OTUD3: variants seen among roughly 807,000 people sequenced by gnomAD.
OTUD3 encodes the protein OTU deubiquitinase 3.
In OTUD3, 24 loss-of-function variants were observed where a neutral mutation model predicts 46.2. The ratio of observed to expected loss-of-function variants is 0.52; its 90% CI spans 0.38 to 0.73. The LOEUF (loss-of-function observed/expected upper bound fraction) is 0.73, where lower values mean the gene tolerates loss of function less well. OTUD3 is among the 30% of genes least tolerant of loss of function. The probability of loss-of-function intolerance (pLI) is 0.00; values close to 1 mark genes in which losing one functional copy is unlikely to be tolerated. For synonymous variants in OTUD3, 189 were observed against 195.4 expected, an observed-to-expected ratio of 0.97 and a Z score of 0.27; for missense variants, 455 against 523.3, an observed-to-expected ratio of 0.87 and a Z score of 1.27.
Position 19,894,424 on chromosome 1 carries a change from G to GC in OTUD3, c.428dup (p.Arg144LysfsTer13). The stretch of plus-strand genomic sequence containing the variant: ...TGGCAATGATGCAATTGTAGCCTTT[G>GC]CAAGAAATCATCAGTTGAATGTAGT... On this transcript the variant is annotated frameshift_variant, in exon 3 of 8. Transcript: ENST00000375120. LOFTEE classifies it high-confidence loss of function. 1 of 1,611,494 alleles carries GC rather than the reference G, an allele frequency of 6.2e-7. No individual in the cohort carries two copies. The highest frequency in any genetic ancestry group is 8.5e-7 in the Non-Finnish European group (1 of 1,178,762).
chr1:19,897,368 G>A (rs368737541), intron 3 of OTUD3, among the ~76,000 whole-genome samples, 172 bp from the exon 4 acceptor site: 10 of 152,162 alleles, frequency 6.6e-5, no homozygotes, highest in South Asian at 4.1e-4. Context: ...AAGCATACAC[G>A]CATAGGAAGG....
chr1:19,893,093 T>G (rs552327903), intron 2 of OTUD3, among the ~76,000 whole-genome samples: 1 of 152,342 alleles, frequency 6.6e-6, no homozygotes, highest in East Asian at 1.9e-4. Context: ...GGGTATTAGC[T>G]TAGTTGTCTC....
chr1:19,890,641 A>G (rs2045433737), intron 2 of OTUD3, 108 bp downstream of exon 2: 2 of 972,144 alleles, frequency 2.1e-6, no homozygotes, highest in East Asian at 2.4e-5. Flanking sequence ...ATAAATCACG[A>G]CATTCATTTA....
At chr1:19,883,992 T>A (rs1297277375) in intron 1 of OTUD3, among the ~76,000 whole-genome samples, 1 of 152,210 alleles carries the variant, frequency 6.6e-6, no homozygotes, top group Non-Finnish European at 1.5e-5. Context: ...AAGATGCAGT[T>A]GGAACTTGAT....
At position 19,908,151 on chromosome 1, in the gene OTUD3, T is replaced by A. The variant is rs1309256633; in HGVS notation, c.*405T>A. On this transcript the variant is annotated 3_prime_UTR_variant, in exon 8 of 8. Coordinates refer to ENST00000375120, the MANE Select transcript of OTUD3 (RefSeq NM_015207.2). ...GTAGTTTAGAATAATTGTTAGAAAT[T>A]CAGAATGACAAGTTTCCTTAGTTTC... The A allele has an allele frequency of 6.4e-6, 1 of 155,268 alleles. No homozygotes were observed. The highest frequency in any genetic ancestry group is 1.4e-5 in the Non-Finnish European group (1 of 70,092). 9.6% of individuals were successfully genotyped at this position (155,268 alleles called of 1,614,324 possible). A position where few individuals can be genotyped will look rare whatever the true frequency, so the allele number is the denominator to read the frequency against.
intron 6 of OTUD3, among the ~76,000 whole-genome samples, 160 bp downstream of exon 6, chr1:19,905,147 C>T (rs943549173): frequency 6.6e-6 from 1 of 152,112 alleles, no homozygotes; most frequent in African/African-American, 2.4e-5. Flanking sequence ...TTACTAGGTC[C>T]TGTCTCTGCT....
intron 1 of OTUD3, among the ~76,000 whole-genome samples, chr1:19,888,418 T>G (rs2045401092): frequency 6.6e-6 from 1 of 152,242 alleles, no homozygotes; most frequent in Non-Finnish European, 1.5e-5. Flanking sequence ...TGTTTGTTCA[T>G]TACCTTGTAA....
chr1:19,893,216 T>C (rs1287465918), intron 2 of OTUD3, among the ~76,000 whole-genome samples: 1 of 152,206 alleles, frequency 6.6e-6, no homozygotes, highest in Non-Finnish European at 1.5e-5. Context: ...AGTCCTTGCA[T>C]GACTTCCCTC....
chr1:19,894,342 C>T (rs1188248192), intron 2 of OTUD3, 26 bp from the exon 3 acceptor site: 17 of 1,391,970 alleles, frequency 1.2e-5, no homozygotes, highest in Non-Finnish European at 1.7e-5. Flanking sequence ...ATAAAGACGT[C>T]ATTTTTCTTT....
chr1:19,890,356 G>A, intron 1 of OTUD3, 29 bp from the exon 2 acceptor site: 1 of 1,607,622 alleles, frequency 6.2e-7, no homozygotes, highest in Non-Finnish European at 8.5e-7. Context: ...ATTTTTGAAA[G>A]GTCTTGACTC....
chr1:19,888,224 A>G (rs1019174620), intron 1 of OTUD3, among the ~76,000 whole-genome samples: 3 of 152,364 alleles, frequency 2.0e-5, no homozygotes, highest in Middle Eastern at 6.8e-3. Flanking sequence ...TCCCACAACA[A>G]AAAAATGATC....
chr1:19,890,608 C>G (rs577450753), intron 2 of OTUD3, 75 bp downstream of exon 2: 18 of 1,299,012 alleles, frequency 1.4e-5, no homozygotes, highest in South Asian at 3.7e-5. Flanking sequence ...ATCCTCCCCC[C>G]TCCCAGCCAA....
At chr1:19,898,440 C>T (rs2045544941) in intron 4 of OTUD3, among the ~76,000 whole-genome samples, 1 of 151,872 alleles carries the variant, frequency 6.6e-6, no homozygotes, top group South Asian at 2.1e-4. Context: ...TAAAAATTAA[C>T]ATCATTGGCC....
At chr1:19,892,514 ATC>A (rs2045461438) in intron 2 of OTUD3, among the ~76,000 whole-genome samples, 1 of 152,154 alleles carries the variant, frequency 6.6e-6, no homozygotes. Flanking sequence ...ATCTGGCTGT[ATC>A]TTTAGGATTA....
rs1158488196 is a variant in OTUD3, at chr1:19,882,699, C to G, written c.186C>G (p.Ala62=). 7.0e-7 allele frequency: 1 copy of G among 1,428,044 alleles called. No homozygotes were observed. Among genetic ancestry groups the G allele is most frequent in the Non-Finnish European group, 9.2e-7 (1 of 1,090,726 alleles). The allele number at this position is 1,428,044 out of a possible 1,614,324, so 88.5% of individuals were successfully genotyped here. The part of the protein sequence containing the change: ...EFVSFANQLQ[A]LGLKLREVPG... ...TCAGCTTCGCCAACCAGCTGCAGGC[C>G]CTGGGGCTGAAGCTGCGGGAGGTGC... Residue 62 remains alanine (A), a synonymous_variant, in exon 1 of 8, where the codon GCC becomes GCG. Coordinates refer to ENST00000375120, the MANE Select transcript of OTUD3 (RefSeq NM_015207.2).
intron 1 of OTUD3, among the ~76,000 whole-genome samples, chr1:19,887,521 C>G (rs1284689517): frequency 6.6e-6 from 1 of 152,216 alleles, no homozygotes; most frequent in Admixed American, 6.5e-5. Flanking sequence ...CAACACACAT[C>G]TAGACAATTG....
In OTUD3 at chr1:19,890,552, A is replaced by G. The variant is rs1465158630; in HGVS notation, c.370+19A>G. The G allele has an allele frequency of 1.2e-6, 2 of 1,611,776 alleles. No homozygotes were observed. The highest frequency in any genetic ancestry group is 1.7e-6 in the Non-Finnish European group (2 of 1,178,020). On this transcript the variant is annotated intron_variant, in intron 2 of 7. Coordinates refer to ENST00000375120, the MANE Select transcript of OTUD3 (RefSeq NM_015207.2). The stretch of plus-strand genomic sequence containing the variant: ...AAGCATGGTAGGTTCACTGTGGGAC[A>G]TTGTGTCCTTCAGGAGTAATGCATT...
intron 1 of OTUD3, among the ~76,000 whole-genome samples, chr1:19,883,072 A>G (rs1235076598): frequency 6.6e-6 from 1 of 152,242 alleles, no homozygotes; most frequent in Admixed American, 6.5e-5. Context: ...TTCTGAAGGA[A>G]TGAGATGGAG....
rs1417964295 is a variant in OTUD3 at position 19,882,400 on chromosome 1, G to T, written c.-114G>T. Reference sequence around the variant, plus strand: ...GCGCCGGCGCAGGCGCGGTTGCTGCGTAGTCGTCGCCGGGCTCCGTTGCCC... The same window carrying T: ...GCGCCGGCGCAGGCGCGGTTGCTGCTTAGTCGTCGCCGGGCTCCGTTGCCC... On this transcript the variant is annotated 5_prime_UTR_variant, in exon 1 of 8. Coordinates refer to ENST00000375120, the MANE Select transcript of OTUD3 (RefSeq NM_015207.2). 7 of 1,300,010 alleles carry T rather than the reference G, an allele frequency of 5.4e-6. No homozygotes were observed. The highest frequency in any genetic ancestry group is 6.8e-6 in the Non-Finnish European group (7 of 1,026,900). 80.5% of individuals were successfully genotyped at this position (1,300,010 alleles called of 1,614,324 possible).
Sources: gnomAD v4.1 joint callset for allele counts (sites outside exome capture counted in the v4.1 genomes callset) on GRCh38, gnomAD v4.1.1 for gene constraint, MANE v1.5 for transcripts, NCBI Gene and HGNC (gene_info 2026-07-23, HGNC 2026-07-21) for gene names.